Variants in CHODL observed in about 807,000 individuals in gnomAD.
The protein encoded by CHODL is transmembrane protein MT75.
A neutral mutation model predicts 34.5 loss-of-function variants in CHODL; 29 were observed. That is an observed-to-expected ratio of 0.84 (90% CI 0.63 to 1.15). The LOEUF (loss-of-function observed/expected upper bound fraction) is 1.15, where lower values mean the gene tolerates loss of function less well. CHODL is among the 50% of genes most tolerant of loss of function. The pLI is 0.00. For missense variants in CHODL, 332 were observed against 332.5 expected, an observed-to-expected ratio of 1.00 and a Z score of 0.01; for synonymous variants, 125 against 116.1, an observed-to-expected ratio of 1.08 and a Z score of -0.49.
intron 2 of CHODL, among the ~76,000 whole-genome samples, chr21:18,151,608 G>A (rs2072970110): frequency 6.6e-6 from 1 of 152,214 alleles, no homozygotes; most frequent in Admixed American, 6.5e-5. Context: ...TGGTCGATCA[G>A]AAGTTCTGGA....
chr21:18,171,198 GTTTTT>G (rs1177005708), intron 2 of CHODL, among the ~76,000 whole-genome samples: 3 of 37,066 alleles, frequency 8.1e-5, no homozygotes, highest in Admixed American at 6.5e-4. Flanking sequence ...GTTTTCTTTA[GTTTTT>G]TTTTTTTTTT....
chr21:18,088,078 C>T (rs1438787376), intron 2 of CHODL, among the ~76,000 whole-genome samples: 2 of 152,100 alleles, frequency 1.3e-5, no homozygotes, highest in Non-Finnish European at 2.9e-5. Flanking sequence ...GGTATGTTCA[C>T]CCCCAGGATC....
intron 2 of CHODL, among the ~76,000 whole-genome samples, chr21:18,071,782 A>G (rs1482636203): frequency 6.6e-6 from 1 of 152,134 alleles, no homozygotes; most frequent in Non-Finnish European, 1.5e-5. Context: ...TAAATCATAC[A>G]TGCCTATATT....
At chr21:18,169,340 G>A (rs1013335315) in intron 2 of CHODL, among the ~76,000 whole-genome samples, 1 of 151,608 alleles carries the variant, frequency 6.6e-6, no homozygotes, top group Non-Finnish European at 1.5e-5. Context: ...TTTTTGTAAG[G>A]TAACTAGTAA....
intron 2 of CHODL, among the ~76,000 whole-genome samples, chr21:18,233,313 C>G (rs751410788): frequency 1.3e-5 from 2 of 152,024 alleles, no homozygotes; most frequent in Non-Finnish European, 2.9e-5. Flanking sequence ...AACACAGATG[C>G]TAGAGCCAGA....
chr21:18,130,099 T>TC (rs1177068416), intron 2 of CHODL, among the ~76,000 whole-genome samples: 2 of 151,590 alleles, frequency 1.3e-5, no homozygotes, highest in Non-Finnish European at 2.9e-5. Context: ...TCTGTTTTTT[T>TC]CCCCCCAGTT....
Position 18,256,764 on chromosome 21 carries a change from C to G in CHODL, c.335C>G (p.Ser112Cys), listed in dbSNP as rs2074321292. ...TGGAGGAATGGAGATGGGCAAACAT[C>G]TGGTGCCTGCCCAGATCTCTACCAG... ...GLWRNGDGQTSGACPDLYQWS... is the reference protein window; with the variant it reads ...GLWRNGDGQTCGACPDLYQWS... The change falls in exon 2 of 6, where the codon TCT becomes TGT. Residue 112 changes from serine (S) to cysteine (C), a missense_variant. Coordinates refer to ENST00000299295, the MANE Select transcript of CHODL (RefSeq NM_024944.3). The G allele has an allele frequency of 6.2e-7, 1 of 1,614,116 alleles. No homozygotes were observed. Among genetic ancestry groups the G allele is most frequent in the African/African-American group, 1.3e-5 (1 of 75,034 alleles).
chr21:18,151,082 CAAA>C (rs61176066), intron 2 of CHODL, among the ~76,000 whole-genome samples: 1 of 123,016 alleles, frequency 8.1e-6, no homozygotes, highest in African/African-American at 3.3e-5. Context: ...GACTCTGTGT[CAAA>C]AAAAAAAAAA....
At chr21:18,183,641 TC>T (rs1425764221) in intron 2 of CHODL, among the ~76,000 whole-genome samples, 11 of 152,318 alleles carry the variant, frequency 7.2e-5, no homozygotes, top group Admixed American at 5.2e-4. Context: ...GTAAGGCTTT[TC>T]CCCATTTTGT....
chr21:18,146,141 T>C (rs2072884911), intron 2 of CHODL, among the ~76,000 whole-genome samples: 1 of 151,224 alleles, frequency 6.6e-6, no homozygotes, highest in African/African-American at 2.4e-5. Context: ...TTAATTTTTT[T>C]TTTTTTTTTG....
intron 1 of CHODL, among the ~76,000 whole-genome samples, chr21:17,984,542 GT>G (rs1386443192): frequency 2.0e-5 from 3 of 151,680 alleles, no homozygotes; most frequent in Non-Finnish European, 2.9e-5. Context: ...TTTGGTGTTT[GT>G]CTTTTGTACA....
chr21:18,059,098 A>G (rs2064622443), intron 2 of CHODL, among the ~76,000 whole-genome samples: 1 of 152,206 alleles, frequency 6.6e-6, no homozygotes, highest in South Asian at 2.1e-4. Flanking sequence ...AATTAAGGTT[A>G]AATGAGGTTT....
intron 1 of CHODL, among the ~76,000 whole-genome samples, chr21:18,248,731 TA>T (rs565454301): frequency 8.3e-6 from 1 of 120,356 alleles, no homozygotes; most frequent in Non-Finnish European, 1.6e-5. Context: ...TATATGTATA[TA>T]ATATATATGT....
At chr21:18,133,163 G>A (rs1009087508) in intron 2 of CHODL, among the ~76,000 whole-genome samples, 1 of 152,050 alleles carries the variant, frequency 6.6e-6, no homozygotes, top group Non-Finnish European at 1.5e-5. Flanking sequence ...GGGCTTTCTG[G>A]CAGTTTTCTG....
intron 2 of CHODL, among the ~76,000 whole-genome samples, chr21:18,066,406 T>G (rs2146492341): frequency 6.6e-6 from 1 of 152,304 alleles, no homozygotes; most frequent in South Asian, 2.1e-4. Flanking sequence ...AATATTTTAT[T>G]TCAGTGATGC....
chr21:17,946,985 T>C (rs1257844479), intron 1 of CHODL, among the ~76,000 whole-genome samples: 1 of 152,198 alleles, frequency 6.6e-6, no homozygotes, highest in Non-Finnish European at 1.5e-5. Flanking sequence ...TCTAGTAGTA[T>C]GTTGATTTCT....
intron 2 of CHODL, among the ~76,000 whole-genome samples, chr21:18,179,616 G>A (rs1026043018): frequency 1.3e-5 from 2 of 152,134 alleles, no homozygotes; most frequent in African/African-American, 2.4e-5. Flanking sequence ...TCCTGTTCTT[G>A]TTGGTATGTA....
rs2063678892 is a variant in CHODL, at chr21:17,977,924, A to AAAAAAAAAG, written c.-144-49940_-144-49939insGAAAAAAAA. On this transcript the variant is annotated intron_variant, in intron 1 of 6. Coordinates refer to the CHODL transcript ENST00000400127. ...CAGAGCAACACTCCCATCTCAAAAA[A>AAAAAAAAAG]AAAAAAAAAAGAAAAAGATACATGG... Among the ~76,000 whole-genome samples the AAAAAAAAAG allele has an allele frequency of 1.3e-5, 2 of 150,446 alleles. 1 individual carries two copies. The highest frequency in any genetic ancestry group is 3.0e-5 in the Non-Finnish European group (2 of 67,574).
chr21:18,228,472 G>A (rs1036799680), intron 2 of CHODL, among the ~76,000 whole-genome samples: 5 of 152,098 alleles, frequency 3.3e-5, no homozygotes, highest in African/African-American at 9.7e-5. Flanking sequence ...TCTGTGCTAC[G>A]CAAGGAACAC....
Sources: gnomAD v4.1 joint callset for allele counts (sites outside exome capture counted in the v4.1 genomes callset) on GRCh38, gnomAD v4.1.1 for gene constraint, MANE v1.5 for transcripts, NCBI Gene and HGNC (gene_info 2026-07-23, HGNC 2026-07-21) for gene names.